LCA5: variants seen among roughly 807,000 people sequenced by gnomAD.
LCA5 encodes the protein lebercilin.
A neutral mutation model predicts 53.0 loss-of-function variants in LCA5; 37 were observed. The observed-to-expected ratio is 0.70, with a 90% confidence interval of 0.54 to 0.92. LCA5 has a LOEUF of 0.92. Ranked by LOEUF, LCA5 falls within the 40% of genes least tolerant of loss-of-function variation. The pLI is 0.00. For synonymous variants in LCA5, 303 were observed against 282.9 expected (o/e 1.07, Z -0.71); for missense variants, 806 against 790.5 (o/e 1.02, Z -0.23).
intron 1 of LCA5, among the ~76,000 whole-genome samples, chr6:79,524,469 C>T (rs901190805): frequency 1.3e-5 from 2 of 152,194 alleles, no homozygotes; most frequent in African/African-American, 4.8e-5. Flanking sequence ...GAAGACACTG[C>T]TTCACTGTCT....
chr6:79,488,083 T>A (rs1582611650), intron 7 of LCA5: 1 of 508,454 alleles, frequency 2.0e-6, no homozygotes, highest in East Asian at 3.5e-5. Context: ...TATAAAAAAA[T>A]TTGTTCTTTG....
At chr6:79,533,346 G>A (rs1053835148) in intron 1 of LCA5, among the ~76,000 whole-genome samples, 4 of 152,080 alleles carry the variant, frequency 2.6e-5, no homozygotes, top group African/African-American at 9.7e-5. Flanking sequence ...GTTGCAGGAG[G>A]AGGGGGGAGC....
At chr6:79,527,070 T>C (rs977766249) in intron 1 of LCA5, among the ~76,000 whole-genome samples, 27 of 152,258 alleles carry the variant, frequency 1.8e-4, no homozygotes, top group Admixed American at 5.2e-4. Context: ...GATTTGATGC[T>C]GATTAAAACT....
intron 3 of LCA5, among the ~76,000 whole-genome samples, chr6:79,498,095 A>G (rs1770032846): frequency 6.6e-6 from 1 of 152,062 alleles, no homozygotes; most frequent in South Asian, 2.1e-4. Flanking sequence ...AAAGGGCATA[A>G]TCCCTATTCT....
At chr6:79,507,250 A>T (rs950252205) in intron 3 of LCA5, among the ~76,000 whole-genome samples, 4 of 152,154 alleles carry the variant, frequency 2.6e-5, no homozygotes, top group Non-Finnish European at 5.9e-5. Flanking sequence ...TCTTGTCCTA[A>T]TTTATTTTTG....
intron 3 of LCA5, among the ~76,000 whole-genome samples, chr6:79,511,863 C>A (rs992213524): frequency 6.6e-6 from 1 of 152,236 alleles, no homozygotes; most frequent in Non-Finnish European, 1.5e-5. Flanking sequence ...TTTACCTCCA[C>A]GTATAACTCA....
At chr6:79,514,460 C>T (rs1381676859) in intron 2 of LCA5, among the ~76,000 whole-genome samples, 1 of 151,978 alleles carries the variant, frequency 6.6e-6, no homozygotes, top group East Asian at 1.9e-4. Context: ...TGTGGCAATT[C>T]CTAAGACCTA....
intron 7 of LCA5, 161 bp downstream of exon 7, chr6:79,488,923 T>A (rs979849450): frequency 1.3e-6 from 1 of 745,626 alleles, no homozygotes; most frequent in African/African-American, 1.7e-5. Flanking sequence ...ATTATTCAAA[T>A]GTGTATGGCT....
At position 79,513,357 on chromosome 6, in the gene LCA5, G is replaced by A. The variant is rs762035119; in HGVS notation, c.575C>T (p.Thr192Ile). The A allele has an allele frequency of 8.7e-6, 14 of 1,613,636 alleles. No homozygotes were observed. The East Asian group carries it at 1.6e-4, about 18-fold the overall frequency. The change falls in exon 3 of 8, where the codon ACA (threonine) becomes ATA (isoleucine). Residue 192 changes from threonine to isoleucine, a missense_variant. Thr to Ile is a moderately conservative substitution (Grantham distance 89, BLOSUM62 -1). Coordinates refer to ENST00000369846, the MANE Select transcript of LCA5 (RefSeq NM_001122769.3). Reference protein sequence around the residue: ...ERATEKRVKDTESELFRTKFS... With the variant: ...ERATEKRVKDIESELFRTKFS... Reference sequence around the variant, plus strand: ...TTTTGTCCTAAATAGTTCACTTTCTGTATCTTTTACCCTTTTCTCAGTTGC... The same window carrying A: ...TTTTGTCCTAAATAGTTCACTTTCTATATCTTTTACCCTTTTCTCAGTTGC...
intron 3 of LCA5, 66 bp downstream of exon 3, chr6:79,513,146 G>A: frequency 1.4e-6 from 2 of 1,435,700 alleles, no homozygotes; most frequent in Admixed American, 3.4e-5. Context: ...AATTTTAAGA[G>A]AGCACATTAA....
At position 79,536,141 on chromosome 6, in the gene LCA5, T is replaced by C. The variant is rs1424435761; in HGVS notation, c.-192+1024A>G. ...CTATAACTTATTTGGATAAACATACTAGCTAACATGGGAAATCACAAAGTG... is the reference window on the plus strand; with the variant it reads ...CTATAACTTATTTGGATAAACATACCAGCTAACATGGGAAATCACAAAGTG... On this transcript the variant is annotated intron_variant, in intron 1 of 7. Coordinates refer to ENST00000369846, the MANE Select transcript of LCA5 (RefSeq NM_001122769.3). Among the ~76,000 whole-genome samples, 3 of 152,322 alleles carry C rather than the reference T, an allele frequency of 2.0e-5. No homozygotes were observed. The East Asian group carries it at 5.8e-4, about 29-fold the overall frequency.
chr6:79,524,295 A>C (rs76831812), intron 1 of LCA5, among the ~76,000 whole-genome samples: 2,715 of 152,242 alleles, frequency 0.018, 76 homozygotes, highest in African/African-American at 0.062. Context: ...AGTTTCCATC[A>C]TCATTTTACT....
intron 1 of LCA5, among the ~76,000 whole-genome samples, chr6:79,523,349 A>G (rs1392110381): frequency 1.3e-5 from 2 of 152,206 alleles, no homozygotes; most frequent in African/African-American, 4.8e-5. Flanking sequence ...AAAAAAGGAT[A>G]ATGATAACAG....
chr6:79,516,864 A>T (rs1411469851), intron 2 of LCA5, among the ~76,000 whole-genome samples: 1 of 151,956 alleles, frequency 6.6e-6, no homozygotes, highest in Non-Finnish European at 1.5e-5. Context: ...AAAAATCAAG[A>T]TATGTTAATA....
intron 3 of LCA5, among the ~76,000 whole-genome samples, chr6:79,502,806 G>C (rs1359408602): frequency 3.3e-5 from 5 of 152,096 alleles, no homozygotes; most frequent in Non-Finnish European, 7.4e-5. Context: ...AATTAATAGA[G>C]CAACAGAAGA....
At chr6:79,498,175 A>C (rs937985518) in intron 3 of LCA5, among the ~76,000 whole-genome samples, 3 of 148,714 alleles carry the variant, frequency 2.0e-5, no homozygotes, top group African/African-American at 7.5e-5. Flanking sequence ...AAATAGCTAA[A>C]AAAAAAAAAA....
chr6:79,526,895 A>C (rs949155576), intron 1 of LCA5, among the ~76,000 whole-genome samples: 6 of 152,126 alleles, frequency 3.9e-5, no homozygotes, highest in African/African-American at 1.4e-4. Flanking sequence ...CAGAGCTACA[A>C]ATCTCCCTAC....
At chr6:79,509,155 T>C (rs892928726) in intron 3 of LCA5, among the ~76,000 whole-genome samples, 34 of 152,084 alleles carry the variant, frequency 2.2e-4, no homozygotes, top group African/African-American at 7.7e-4. Context: ...GTTATTGGGT[T>C]AAGAGAAGTA....
At chr6:79,493,524 C>A in intron 4 of LCA5, 89 bp downstream of exon 4, 2 of 1,237,902 alleles carry the variant, frequency 1.6e-6, no homozygotes, top group Non-Finnish European at 2.3e-6. Context: ...TACCAACTTA[C>A]AAATATGAAT....
Sources: gnomAD v4.1 joint callset for allele counts (sites outside exome capture counted in the v4.1 genomes callset) on GRCh38, gnomAD v4.1.1 for gene constraint, MANE v1.5 for transcripts, NCBI Gene and HGNC (gene_info 2026-07-23, HGNC 2026-07-21) for gene names.